PCNT: variants seen among roughly 807,000 people sequenced by gnomAD.
PCNT encodes the protein pericentrin, also known as kendrin.
A neutral mutation model predicts 380.4 loss-of-function variants in PCNT; 319 were observed. That is an observed-to-expected ratio of 0.84 (90% CI 0.77 to 0.92). PCNT has a LOEUF of 0.92. Among genes scored for constraint, PCNT ranks in the 40% least tolerant of loss-of-function variants. The probability of loss-of-function intolerance (pLI) is 0.00; values close to 1 mark genes in which losing one functional copy is unlikely to be tolerated. For synonymous variants in PCNT, 1,845 were observed against 1,735.2 expected, an observed-to-expected ratio of 1.06 and a Z score of -1.57; for missense variants, 4,400 against 4,255.3, an observed-to-expected ratio of 1.03 and a Z score of -0.95.
chr21:46,421,889 C>T, intron 31 of PCNT, 81 bp from the exon 32 acceptor site: 1 of 1,517,296 alleles, frequency 6.6e-7, no homozygotes, highest in Non-Finnish European at 9.1e-7. Flanking sequence ...GCCGATCACC[C>T]CTGTCCTGCC....
chr21:46,391,592 C>T (rs1385997989), intron 21 of PCNT, among the ~76,000 whole-genome samples: 3 of 152,260 alleles, frequency 2.0e-5, no homozygotes, highest in South Asian at 2.1e-4. Flanking sequence ...GGTTGTCTGT[C>T]GGTCCTGCTG....
chr21:46,331,131 G>A (rs888500029), intron 2 of PCNT, among the ~76,000 whole-genome samples: 12 of 152,038 alleles, frequency 7.9e-5, no homozygotes, highest in African/African-American at 2.9e-4. Context: ...CTAACTGTTA[G>A]GTAAATACTG....
Position 46,349,690 on chromosome 21 carries a change from T to C in PCNT, c.1214T>C (p.Leu405Pro). 2 of 1,613,942 alleles carry C rather than the reference T, an allele frequency of 1.2e-6. No individual in the cohort carries two copies. Among genetic ancestry groups the C allele is most frequent in the Non-Finnish European group, 1.7e-6 (2 of 1,179,844 alleles). The change falls in exon 8 of 47, where the codon CTT (leucine) becomes CCT (proline). Residue 405 changes from leucine (L) to proline (P), a missense_variant. Physicochemically the swap from Leu to Pro is moderately conservative, Grantham distance 98. Coordinates refer to ENST00000359568, the MANE Select transcript of PCNT (RefSeq NM_006031.6). ...FQDKNQAERA[L>P]RNLESHHQAA... ...CATTGCTTTACCTTTCTAGGGGCCCTTAGGAACCTGGAGAGTCATCATCAA... is the reference window on the plus strand; with the variant it reads ...CATTGCTTTACCTTTCTAGGGGCCCCTAGGAACCTGGAGAGTCATCATCAA...
intron 11 of PCNT, 73 bp downstream of exon 11, chr21:46,354,141 T>C: frequency 1.5e-6 from 2 of 1,317,086 alleles, no homozygotes; most frequent in South Asian, 2.4e-5. Context: ...TTCCACATTA[T>C]AGAGCCTGTG....
At chr21:46,377,278 C>G (rs1014134340) in intron 15 of PCNT, among the ~76,000 whole-genome samples, 1 of 152,230 alleles carries the variant, frequency 6.6e-6, no homozygotes, top group Non-Finnish European at 1.5e-5. Context: ...GCAATCCACC[C>G]CAGATGTTCT....
At chr21:46,390,892 C>G in intron 20 of PCNT, 60 bp downstream of exon 20, 1 of 1,549,964 alleles carries the variant, frequency 6.5e-7, no homozygotes, top group Admixed American at 1.9e-5. Context: ...GGCCTGGCCT[C>G]ACTGAGGGAA....
intron 33 of PCNT, 104 bp from the exon 34 acceptor site, chr21:46,427,518 C>T: frequency 7.7e-7 from 1 of 1,306,396 alleles, no homozygotes; most frequent in Non-Finnish European, 1.1e-6. Flanking sequence ...CCCTGAATCA[C>T]CTCCCGCAGG....
rs540017129 is a variant in PCNT, at chr21:46,349,927, A to G, written c.1344+107A>G. On this transcript the variant is annotated intron_variant, in intron 8 of 46. Transcript: ENST00000359568. ...TGTTATTTGCTAAAACTTAAGTTCT[A>G]AATTTAAAGAGACTGGCTGGGAACA... 829 of 1,108,710 alleles carry G rather than the reference A, an allele frequency of 7.5e-4. 1 individual carries two copies. Among genetic ancestry groups the G allele is most frequent in the Non-Finnish European group, 1.0e-3 (768 of 736,128 alleles). The allele number at this position is 1,108,710 out of a possible 1,614,324, so 68.7% of individuals were successfully genotyped here. A position where few individuals can be genotyped will look rare whatever the true frequency, so the allele number is the denominator to read the frequency against.
chr21:46,339,813 A>G (rs1005419992), intron 3 of PCNT, among the ~76,000 whole-genome samples: 3 of 152,210 alleles, frequency 2.0e-5, no homozygotes, highest in South Asian at 2.1e-4. Context: ...AATGTTAACT[A>G]TCACACCAGG....
chr21:46,345,893 C>G (rs975249418), intron 3 of PCNT, among the ~76,000 whole-genome samples: 2 of 152,236 alleles, frequency 1.3e-5, no homozygotes, highest in African/African-American at 4.8e-5. Context: ...CTCTGTGTTG[C>G]AGCCTGAGTT....
Position 46,412,954 on chromosome 21 carries a change from A to G in PCNT, c.6112A>G (p.Lys2038Glu), listed in dbSNP as rs1362312513. ...RQLQSELLLV[K>E]NEMRLSLEDG... ...GCTGCAGTCGGAGCTGCTCTTGGTG[A>G]AAAATGAAATGCGCCTGAGTCTGGA... is the stretch of plus-strand genomic sequence containing the variant. Residue 2038 changes from lysine to glutamate, a missense_variant, in exon 29 of 47, where the codon AAA (lysine) becomes GAA (glutamate). Transcript: ENST00000359568. 1 of 1,611,092 alleles carries G rather than the reference A, an allele frequency of 6.2e-7. No homozygotes were observed. The highest frequency in any genetic ancestry group is 8.5e-7 in the Non-Finnish European group (1 of 1,179,878).
intron 27 of PCNT, among the ~76,000 whole-genome samples, chr21:46,403,674 G>A (rs376916900): frequency 2.5e-5 from 3 of 120,896 alleles, no homozygotes; most frequent in African/African-American, 6.4e-5. Flanking sequence ...TGGGAGAATC[G>A]TGTGTGTGTG....
rs1460020950 is a variant in PCNT at position 46,412,168 on chromosome 21, G to A, written c.5994+101G>A. On this transcript the variant is annotated intron_variant, in intron 28 of 46. Coordinates refer to ENST00000359568, the MANE Select transcript of PCNT (RefSeq NM_006031.6). ...TCTGCGCTGGGCACTGGGGGCTGCA[G>A]TTGTCATGGTGGCTCATGACACAGC... 3.7e-6 allele frequency: 5 copies of A among 1,360,570 alleles called. No individual in the cohort carries two copies. The Admixed American group carries it at 8.1e-5, about 22-fold the overall frequency. The allele number at this position is 1,360,570 out of a possible 1,614,324, so 84.3% of individuals were successfully genotyped here.
At chr21:46,344,761 A>G (rs2839215) in intron 3 of PCNT, among the ~76,000 whole-genome samples, 101,680 of 152,116 alleles carry the variant, frequency 0.67, 34,599 homozygotes, top group African/African-American at 0.78. Flanking sequence ...CGGTGGGCTC[A>G]GGATCCGTGC....
In PCNT at chr21:46,353,233, A is replaced by T; in HGVS notation, c.1586A>T (p.Asp529Val). ...ATTTATTTTGAAAAGAAGTTAAGGG[A>T]TGCTGAGAAAACTTACCAAGAAGAC... ...LRIYFEKKLR[D>V]AEKTYQEDLT... The change falls in exon 10 of 47, where the codon GAT becomes GTT. Residue 529 changes from aspartate (D) to valine (V), a missense_variant. By Grantham distance (152) the Asp-to-Val change is radical. Transcript: ENST00000359568. 6.2e-7 allele frequency: 1 copy of T among 1,614,152 alleles called. No homozygotes were observed. The highest frequency in any genetic ancestry group is 8.5e-7 in the Non-Finnish European group (1 of 1,180,008).
rs747905097 is a variant in PCNT, at chr21:46,355,530, A to T, written c.1840A>T (p.Ile614Phe). Residue 614 changes from isoleucine (I) to phenylalanine (F), a missense_variant, in exon 12 of 47, where the codon ATC (isoleucine) becomes TTC (phenylalanine). Physicochemically the swap from Ile to Phe is conservative, Grantham distance 21. Transcript: ENST00000359568. ...QLEALESPLC[I>F]QHEGHVSDRC... Reference sequence around the variant, plus strand: ...GGAAGCGCTGGAGTCTCCCCTCTGCATCCAGCACGAGGGGCATGTCTCAGA... The same window carrying T: ...GGAAGCGCTGGAGTCTCCCCTCTGCTTCCAGCACGAGGGGCATGTCTCAGA... 1 of 1,613,882 alleles carries T rather than the reference A, an allele frequency of 6.2e-7. No individual in the cohort carries two copies. The highest frequency in any genetic ancestry group is 1.1e-5 in the South Asian group (1 of 91,082).
intron 17 of PCNT, among the ~76,000 whole-genome samples, chr21:46,387,927 C>G (rs1287016329): frequency 6.6e-6 from 1 of 152,098 alleles, no homozygotes; most frequent in East Asian, 1.9e-4. Flanking sequence ...CAGAAGCATC[C>G]CAGCCGGGCG....
rs767255397 is a variant in PCNT, at chr21:46,438,310, C to T, written c.9246C>T (p.His3082=). The change falls in exon 41 of 47, where the codon CAC becomes CAT. Residue 3082 remains histidine (H), a synonymous_variant. Coordinates refer to ENST00000359568, the MANE Select transcript of PCNT (RefSeq NM_006031.6). ...CTAAGCTTGAGAAGTTGCTGAAGCACCATCTGCAGAAGGGCTGCAGCCCAA... is the reference window on the plus strand; with the variant it reads ...CTAAGCTTGAGAAGTTGCTGAAGCATCATCTGCAGAAGGGCTGCAGCCCAA... The part of the protein sequence containing the change: ...AVSKLEKLLK[H]HLQKGCSPSR... The T allele has an allele frequency of 6.8e-6, 11 of 1,614,104 alleles. No homozygotes were observed. Among genetic ancestry groups the T allele is most frequent in the Non-Finnish European group, 9.3e-6 (11 of 1,179,996 alleles).
At chr21:46,430,366 C>T in intron 36 of PCNT, 134 bp downstream of exon 36, 1 of 1,400,280 alleles carries the variant, frequency 7.1e-7, no homozygotes, top group Non-Finnish European at 9.9e-7. Flanking sequence ...CCCTGCTGTC[C>T]CTGGGTTGAT....
Sources: allele counts gnomAD v4.1 joint callset (sites outside exome capture counted in the v4.1 genomes callset), GRCh38; gene constraint gnomAD v4.1.1; transcripts MANE v1.5; gene names NCBI Gene and HGNC (gene_info 2026-07-23, HGNC 2026-07-21).